Variants in EIF2B3 observed in about 807,000 individuals in gnomAD.
The protein encoded by EIF2B3 is eukaryotic translation initiation factor 2B subunit gamma, also known as translation initiation factor eIF2B subunit gamma.
EIF2B3 carries 20 observed loss-of-function variants against 54.1 expected under a neutral mutation model. The observed-to-expected ratio is 0.37, with a 90% confidence interval of 0.26 to 0.54. The LOEUF is 0.54. Ranked by LOEUF, EIF2B3 falls within the 20% of genes least tolerant of loss-of-function variation. The pLI, the probability that EIF2B3 is intolerant of heterozygous loss-of-function variation, is 0.86. For synonymous variants in EIF2B3, 153 were observed against 188.1 expected (o/e 0.81, Z 1.52); for missense variants, 448 against 547.8 (o/e 0.82, Z 1.82).
chr1:44,983,735 A>G (rs1029796917), intron 1 of EIF2B3, among the ~76,000 whole-genome samples: 2 of 151,878 alleles, frequency 1.3e-5, no homozygotes, highest in African/African-American at 4.8e-5. Context: ...TTTTTGAAAC[A>G]GAGTTCTTGT....
intron 3 of EIF2B3, chr1:44,958,987 C>T: frequency 1.3e-6 from 1 of 750,644 alleles, no homozygotes; most frequent in Non-Finnish European, 2.4e-6. Context: ...GGGGAAGTCA[C>T]CTCCATGAAG....
rs57964686 is a variant in EIF2B3 at position 44,978,621 on chromosome 1, C to CTTTTTTTT, written c.149-169_149-162dup. Among the ~76,000 whole-genome samples the CTTTTTTTT allele has an allele frequency of 1.9e-3, 148 of 76,628 alleles. 24 individuals are homozygous for CTTTTTTTT. Among genetic ancestry groups the CTTTTTTTT allele is most frequent in the African/African-American group, 9.0e-3 (138 of 15,310 alleles). 50.3% of individuals were successfully genotyped at this position (76,628 alleles called of 152,430 possible). A position where few individuals can be genotyped will look rare whatever the true frequency, so the allele number is the denominator to read the frequency against. Reference sequence around the variant, plus strand: ...TTTACCTGCATTCCCCCAATAAATTCTTTTTTTTTTTTTTTTTTTTTTTTT... The same window carrying CTTTTTTTT: ...TTTACCTGCATTCCCCCAATAAATTCTTTTTTTTTTTTTTTTTTTTTTTTTTTTTTTTT... On this transcript the variant is annotated intron_variant, in intron 2 of 11. Coordinates refer to ENST00000360403, the MANE Select transcript of EIF2B3 (RefSeq NM_020365.5).
At chr1:44,908,067 T>C (rs541923455) in intron 5 of EIF2B3, among the ~76,000 whole-genome samples, 1 of 152,304 alleles carries the variant, frequency 6.6e-6, no homozygotes, top group Non-Finnish European at 1.5e-5. Flanking sequence ...GTGCAAATAA[T>C]GCTGTTCCAG....
chr1:44,881,783 G>C lies in EIF2B3; in HGVS notation c.657-44C>G. Reference sequence around the variant, plus strand: ...CAAATATGAGAAACCTGACTGTCTGGAACATACCCGGATCAAAAGCTCTGT... The same window carrying C: ...CAAATATGAGAAACCTGACTGTCTGCAACATACCCGGATCAAAAGCTCTGT... On this transcript the variant is annotated intron_variant, in intron 6 of 11. Transcript: ENST00000360403. This position sits in a 1 kb window ranked among gnomAD's most constrained non-coding sequence, Gnocchi z 4.0. 1 of 1,610,368 alleles carries C rather than the reference G, an allele frequency of 6.2e-7. No homozygotes were observed. Among genetic ancestry groups the C allele is most frequent in the Non-Finnish European group, 8.5e-7 (1 of 1,178,000 alleles).
At chr1:44,925,060 G>A (rs942526866) in intron 5 of EIF2B3, 2 of 152,126 alleles carry the variant, frequency 1.3e-5, no homozygotes, top group African/African-American at 4.8e-5. Flanking sequence ...GGAGAAACTG[G>A]GGCTCTTATG....
At chr1:44,952,645 C>T (rs528145325) in intron 3 of EIF2B3, among the ~76,000 whole-genome samples, 101 of 151,494 alleles carry the variant, frequency 6.7e-4, no homozygotes, top group Non-Finnish European at 1.4e-3. Flanking sequence ...CTCCGCCTCC[C>T]GGGTTCACGC....
At chr1:44,935,809 C>A (rs1436930632) in intron 4 of EIF2B3, among the ~76,000 whole-genome samples, 3 of 152,118 alleles carry the variant, frequency 2.0e-5, no homozygotes, top group Admixed American at 6.5e-5. Context: ...CCTGTAAATT[C>A]TTTTAAAAAC....
chr1:44,953,597 C>T (rs1451203854), intron 3 of EIF2B3, among the ~76,000 whole-genome samples: 2 of 151,708 alleles, frequency 1.3e-5, no homozygotes, highest in Non-Finnish European at 2.9e-5. Context: ...GGCAACATGG[C>T]GAAAAAAACA....
At chr1:44,926,805 G>C in intron 4 of EIF2B3, 66 bp from the exon 5 acceptor site, 2 of 1,315,650 alleles carry the variant, frequency 1.5e-6, no homozygotes, top group East Asian at 2.3e-5. Flanking sequence ...GAATACACCA[G>C]GGAACACAGT....
At chr1:44,941,906 T>C (rs111394176) in intron 3 of EIF2B3, among the ~76,000 whole-genome samples, 6 of 152,296 alleles carry the variant, frequency 3.9e-5, no homozygotes, top group African/African-American at 1.4e-4. Flanking sequence ...CCCTGAGACA[T>C]CTCTGGAACC....
At chr1:44,859,930 G>C (rs950115743) in intron 10 of EIF2B3, among the ~76,000 whole-genome samples, 24 of 150,648 alleles carry the variant, frequency 1.6e-4, no homozygotes, top group African/African-American at 5.6e-4. Context: ...CTCATTTTTT[G>C]TATTTTTAGT....
chr1:44,895,760 T>C lies in EIF2B3; in HGVS notation c.656+1595A>G, dbSNP rs1655951033. Among the ~76,000 whole-genome samples the C allele has an allele frequency of 2.6e-5, 4 of 152,162 alleles. No individual in the cohort carries two copies. In the South Asian group the frequency reaches 8.3e-4, roughly 32 times the overall value. On this transcript the variant is annotated intron_variant, in intron 6 of 11. Coordinates refer to ENST00000360403, the MANE Select transcript of EIF2B3 (RefSeq NM_020365.5). ...ACAAAATTGACAATGAGTTGATAAT[T>C]GTTGAAACTGTGTGATGGATACATG...
intron 10 of EIF2B3, 136 bp downstream of exon 10, chr1:44,874,542 A>C: frequency 1.1e-6 from 1 of 908,400 alleles, no homozygotes; most frequent in Non-Finnish European, 1.6e-6. Flanking sequence ...ATATCTGAAA[A>C]TGTTTTTATT....
At chr1:44,932,939 T>C (rs1182905825) in intron 4 of EIF2B3, among the ~76,000 whole-genome samples, 5 of 152,080 alleles carry the variant, frequency 3.3e-5, no homozygotes, top group Non-Finnish European at 7.4e-5. Context: ...ACAGAAAATG[T>C]GGGTATAAAG....
At chr1:44,964,228 G>C (rs1242427974) in intron 3 of EIF2B3, among the ~76,000 whole-genome samples, 1 of 151,966 alleles carries the variant, frequency 6.6e-6, no homozygotes, top group Admixed American at 6.6e-5. Flanking sequence ...CTCCAGGAAG[G>C]CATCATCAGG....
chr1:44,969,666 TTTGCTATAGGTTGTTAAC>T (rs1288632509), intron 3 of EIF2B3, among the ~76,000 whole-genome samples: 1 of 152,202 alleles, frequency 6.6e-6, no homozygotes, highest in Non-Finnish European at 1.5e-5. Context: ...TAAAATAAGA[TTTGCTATAGGTTGTTAAC>T]TGTTGATGCT....
chr1:44,941,493 C>A lies in EIF2B3; in HGVS notation c.454+13G>T, dbSNP rs201305666. 1.0e-5 allele frequency: 16 copies of A among 1,592,810 alleles called. No homozygotes were observed. The African/African-American group carries it at 2.2e-4, about 22-fold the overall frequency. On this transcript the variant is annotated intron_variant, in intron 4 of 11. Coordinates refer to ENST00000360403, the MANE Select transcript of EIF2B3 (RefSeq NM_020365.5). ...AAAACTCAACAAACAAAACAAACTC[C>A]AATCTTCCTTACCTGCTTTTTTTTT...
At chr1:44,962,924 C>T (rs971907990) in intron 3 of EIF2B3, among the ~76,000 whole-genome samples, 3 of 152,098 alleles carry the variant, frequency 2.0e-5, no homozygotes, top group African/African-American at 7.2e-5. Context: ...AGAAAAATGA[C>T]ACCGGATTCA....
chr1:44,907,601 T>C (rs1557680088), intron 5 of EIF2B3, among the ~76,000 whole-genome samples: 5 of 150,850 alleles, frequency 3.3e-5, no homozygotes, highest in Admixed American at 3.3e-4. Flanking sequence ...TACAGTAGAT[T>C]GTTTTAAAAA....
Sources: allele counts gnomAD v4.1 joint callset (sites outside exome capture counted in the v4.1 genomes callset), GRCh38; gene constraint gnomAD v4.1.1; non-coding constraint Gnocchi (gnomAD v3.1); transcripts MANE v1.5; gene names NCBI Gene and HGNC (gene_info 2026-07-23, HGNC 2026-07-21).